Variants in ZFAT observed in about 807,000 individuals in gnomAD.
The protein encoded by ZFAT is zinc finger and AT-hook domain containing.
Under a neutral mutation model 117.7 loss-of-function variants are expected in ZFAT, and 64 were observed. The ratio of observed to expected loss-of-function variants is 0.54; its 90% confidence interval spans 0.44 to 0.67. The LOEUF (loss-of-function observed/expected upper bound fraction) is 0.67. Ranked by LOEUF, ZFAT falls within the 30% of genes least tolerant of loss-of-function variation. The pLI, the probability that ZFAT is intolerant of heterozygous loss-of-function variation, is 0.00. For synonymous variants in ZFAT, 679 were observed against 615.0 expected, an observed-to-expected ratio of 1.10 and a Z score of -1.54; for missense variants, 1,433 against 1,584.5, an observed-to-expected ratio of 0.90 and a Z score of 1.62.
chr8:134,552,180 G>A (rs1823215089), intron 11 of ZFAT, among the ~76,000 whole-genome samples: 1 of 150,190 alleles, frequency 6.7e-6, no homozygotes, highest in African/African-American at 2.4e-5. Context: ...GCAGACCAGA[G>A]GCCTGCCTTC....
At chr8:134,782,906 C>T in the ZFAT span, among the ~76,000 whole-genome samples, 12 of 152,146 alleles carry the variant, frequency 7.9e-5, no homozygotes, top group South Asian at 2.5e-3. Flanking sequence ...TCATCCATTC[C>T]ATTTCCACCC....
intron 1 of ZFAT, among the ~76,000 whole-genome samples, chr8:134,705,503 C>T (rs1024362659): frequency 1.3e-5 from 2 of 151,740 alleles, no homozygotes; most frequent in African/African-American, 4.8e-5. Context: ...AGGCATGAGC[C>T]ACCACACTCA....
intron 5 of ZFAT, among the ~76,000 whole-genome samples, chr8:134,603,456 G>C (rs940387421): frequency 2.0e-5 from 3 of 152,060 alleles, no homozygotes; most frequent in African/African-American, 7.2e-5. Context: ...GCATAAGACT[G>C]GATGCAACCA....
the ZFAT span, among the ~76,000 whole-genome samples, chr8:134,779,526 A>C: frequency 6.6e-6 from 1 of 152,186 alleles, no homozygotes; most frequent in Non-Finnish European, 1.5e-5. Context: ...AAAACACGAC[A>C]ACTGGGCAGT....
At chr8:134,822,149 G>A in the ZFAT span, among the ~76,000 whole-genome samples, 1 of 152,010 alleles carries the variant, frequency 6.6e-6, no homozygotes, top group East Asian at 1.9e-4. Flanking sequence ...AAGTTCCTAC[G>A]ATGGCTGTTG....
chr8:134,482,011 T>C (rs1156734997), intron 15 of ZFAT, among the ~76,000 whole-genome samples: 2 of 152,150 alleles, frequency 1.3e-5, no homozygotes, highest in Non-Finnish European at 2.9e-5. Flanking sequence ...TTCTCTACCA[T>C]CCGGCATGAG....
At chr8:134,734,195 G>C in the ZFAT span, among the ~76,000 whole-genome samples, 1 of 152,210 alleles carries the variant, frequency 6.6e-6, no homozygotes, top group African/African-American at 2.4e-5. Context: ...CCCCACTTCA[G>C]GGGACTCCCA....
the ZFAT span, among the ~76,000 whole-genome samples, chr8:134,736,316 C>T: frequency 1.3e-5 from 2 of 152,124 alleles, no homozygotes; most frequent in African/African-American, 2.4e-5. Flanking sequence ...TTATAAGTGA[C>T]CCTCATGACG....
the ZFAT span, among the ~76,000 whole-genome samples, chr8:134,807,199 T>C: frequency 3.9e-5 from 6 of 152,238 alleles, no homozygotes; most frequent in Non-Finnish European, 8.8e-5. Flanking sequence ...ATATAATGTA[T>C]GCCATGCCAC....
At chr8:134,589,489 G>C (rs1210293841) in intron 8 of ZFAT, among the ~76,000 whole-genome samples, 1 of 152,246 alleles carries the variant, frequency 6.6e-6, no homozygotes, top group Non-Finnish European at 1.5e-5. Context: ...AGAAGTACCT[G>C]TTACTCCCTC....
chr8:134,814,898 T>C, the ZFAT span, among the ~76,000 whole-genome samples: 1 of 152,200 alleles, frequency 6.6e-6, no homozygotes, highest in Admixed American at 6.5e-5. Flanking sequence ...CTTCTCTCAT[T>C]CCACATTTTG....
chr8:134,738,646 G>A, the ZFAT span, among the ~76,000 whole-genome samples: 1 of 152,138 alleles, frequency 6.6e-6, no homozygotes, highest in Non-Finnish European at 1.5e-5. Flanking sequence ...AGGTAAGAGG[G>A]TGTGAGGTGT....
the ZFAT span, among the ~76,000 whole-genome samples, chr8:134,780,741 T>C: frequency 6.6e-6 from 1 of 152,212 alleles, no homozygotes; most frequent in Non-Finnish European, 1.5e-5. Context: ...TGACAGATAG[T>C]AGATGCTCAA....
At chr8:134,778,939 G>T in the ZFAT span, among the ~76,000 whole-genome samples, 1 of 152,214 alleles carries the variant, frequency 6.6e-6, no homozygotes, top group Non-Finnish European at 1.5e-5. Flanking sequence ...AGTGGTCTTG[G>T]AATTGTGTGC....
the ZFAT span, chr8:134,722,867 G>A: frequency 0.11 from 17,177 of 152,202 alleles, 1,111 homozygotes; most frequent in Non-Finnish European, 0.16. Context: ...CCTTTAAAGA[G>A]GTTATTAAGG....
rs527441493 is a variant in ZFAT at position 134,601,550 on chromosome 8, C to G, written c.2169G>C (p.Gln723His). Residue 723 changes from glutamine to histidine, a missense_variant, in exon 6 of 16, where the codon CAG (glutamine) becomes CAC (histidine). Coordinates refer to ENST00000377838, the MANE Select transcript of ZFAT (RefSeq NM_020863.4). ...ACAAGCTGGTGTTCATTTGCTTCTT[C>G]TGTAAACTGTTCAGGACCTTCATGA... ...TAFMKVLNSLQKKQMNTSLCE... is the reference protein window; with the variant it reads ...TAFMKVLNSLHKKQMNTSLCE... 1.9e-5 allele frequency: 31 copies of G among 1,614,252 alleles called. No individual in the cohort carries two copies. In the African/African-American group the frequency reaches 3.7e-4, roughly 19 times the overall value.
chr8:134,809,650 T>C, the ZFAT span, among the ~76,000 whole-genome samples: 2 of 152,210 alleles, frequency 1.3e-5, no homozygotes, highest in African/African-American at 2.4e-5. Flanking sequence ...TGGAGGGCGA[T>C]GGTAACATTA....
At chr8:134,497,789 T>A in intron 15 of ZFAT, among the ~76,000 whole-genome samples, 1 of 119,866 alleles carries the variant, frequency 8.3e-6, no homozygotes. Flanking sequence ...TTGGTAGGGT[T>A]GGGGTGGAGC....
At chr8:134,696,580 G>A (rs995731673) in intron 1 of ZFAT, 4 of 986,184 alleles carry the variant, frequency 4.1e-6, no homozygotes, top group Admixed American at 6.1e-5. Flanking sequence ...TACCATCCTA[G>A]TTATCCCTGG....
Sources: allele counts gnomAD v4.1 joint callset (sites outside exome capture counted in the v4.1 genomes callset), GRCh38; gene constraint gnomAD v4.1.1; transcripts MANE v1.5; gene names NCBI Gene and HGNC (gene_info 2026-07-23, HGNC 2026-07-21).